PDE8B: variants seen among roughly 807,000 people sequenced by gnomAD.
PDE8B encodes high affinity cAMP-specific and IBMX-insensitive 3',5'-cyclic phosphodiesterase 8B.
In PDE8B, 26 loss-of-function variants were observed where a neutral mutation model predicts 101.3. The observed-to-expected ratio is 0.26, with a 90% confidence interval of 0.19 to 0.36. The LOEUF (loss-of-function observed/expected upper bound fraction) is 0.36. Ranked by LOEUF, PDE8B falls within the 10% of genes least tolerant of loss-of-function variation. The probability of loss-of-function intolerance (pLI) is 1.00; values close to 1 mark genes in which losing one functional copy is unlikely to be tolerated. For missense variants in PDE8B, 810 were observed against 1,163.1 expected (o/e 0.70, Z 4.42); for synonymous variants, 424 against 429.3 (o/e 0.99, Z 0.15).
intron 10 of PDE8B, among the ~76,000 whole-genome samples, chr5:77,388,707 A>G (rs550211867): frequency 1.1e-3 from 162 of 152,052 alleles, no homozygotes; most frequent in Middle Eastern, 3.4e-3. Context: ...TCCCAGGGAG[A>G]TGGGGGTTTT....
At chr5:77,195,934 G>A in the PDE8B span, among the ~76,000 whole-genome samples, 1 of 152,114 alleles carries the variant, frequency 6.6e-6, no homozygotes, top group Non-Finnish European at 1.5e-5. Context: ...CGTGTAAGTG[G>A]ACCCACAAAG....
At chr5:77,253,765 G>A (rs1758553499) in intron 1 of PDE8B, among the ~76,000 whole-genome samples, 1 of 152,088 alleles carries the variant, frequency 6.6e-6, no homozygotes, top group Admixed American at 6.5e-5. Context: ...TACAAAGAGG[G>A]CAACCTTAGG....
At chr5:77,283,187 T>C (rs1209062716) in intron 1 of PDE8B, among the ~76,000 whole-genome samples, 1 of 152,180 alleles carries the variant, frequency 6.6e-6, no homozygotes, top group Non-Finnish European at 1.5e-5. Context: ...CATTTTTAGA[T>C]TCACAGCAGA....
At chr5:77,409,776 GA>G (rs1232278445) in intron 14 of PDE8B, among the ~76,000 whole-genome samples, 1 of 152,196 alleles carries the variant, frequency 6.6e-6, no homozygotes, top group Non-Finnish European at 1.5e-5. Flanking sequence ...GAATTCTTTA[GA>G]AAAAAAGTCC....
intron 1 of PDE8B, among the ~76,000 whole-genome samples, chr5:77,254,532 A>C (rs1481850368): frequency 6.6e-6 from 1 of 152,116 alleles, no homozygotes. Flanking sequence ...GTAATGACGC[A>C]CTTAGTTTCC....
upstream of PDE8B, among the ~76,000 whole-genome samples, chr5:77,206,311 TAGTA>T (rs1561342837): frequency 1.3e-5 from 2 of 152,070 alleles, no homozygotes; most frequent in African/African-American, 2.4e-5. Flanking sequence ...ATAAACATAA[TAGTA>T]AGTGAGTTAA....
the PDE8B span, among the ~76,000 whole-genome samples, chr5:77,155,636 C>T: frequency 1.7e-3 from 265 of 152,198 alleles, 1 homozygote; most frequent in African/African-American, 5.9e-3. Flanking sequence ...ATGGAGTAAG[C>T]GTGTGTTGGC....
At chr5:77,136,071 C>T in the PDE8B span, among the ~76,000 whole-genome samples, 1 of 152,142 alleles carries the variant, frequency 6.6e-6, no homozygotes, top group Non-Finnish European at 1.5e-5. Context: ...CTTTATCATT[C>T]AACTTTTCTA....
chr5:77,215,876 A>G, intron 1 of PDE8B, among the ~76,000 whole-genome samples: 1 of 152,230 alleles, frequency 6.6e-6, no homozygotes, highest in East Asian at 1.9e-4. Context: ...CAGGCAGGCA[A>G]GGGAAATCTA....
At chr5:77,378,296 T>G (rs1263750133) in intron 10 of PDE8B, among the ~76,000 whole-genome samples, 1 of 151,662 alleles carries the variant, frequency 6.6e-6, no homozygotes, top group East Asian at 1.9e-4. Flanking sequence ...CTGTCTCTAC[T>G]AAAAATACAA....
chr5:77,350,532 C>T (rs1561566375), intron 8 of PDE8B, among the ~76,000 whole-genome samples: 1 of 152,006 alleles, frequency 6.6e-6, no homozygotes, highest in South Asian at 2.1e-4. Context: ...GCCTCTTTCA[C>T]GGAAGCTAAG....
Position 77,363,074 on chromosome 5 carries a change from A to G in PDE8B, c.1167+9668A>G, listed in dbSNP as rs1032951755. Among the ~76,000 whole-genome samples, 4 of 152,198 alleles carry G rather than the reference A, an allele frequency of 2.6e-5. No individual in the cohort carries two copies. In the East Asian group the frequency reaches 7.7e-4, roughly 29 times the overall value. On this transcript the variant is annotated intron_variant, in intron 10 of 21. Coordinates refer to ENST00000264917, the MANE Select transcript of PDE8B (RefSeq NM_003719.5). ...AGCCTATGTTTTAGTAATCCAAGTAAGATGTCTTTCGTGTTGACACTTTGT... is the reference window on the plus strand; with the variant it reads ...AGCCTATGTTTTAGTAATCCAAGTAGGATGTCTTTCGTGTTGACACTTTGT...
At chr5:77,311,125 G>C in intron 1 of PDE8B, among the ~76,000 whole-genome samples, 1 of 142,700 alleles carries the variant, frequency 7.0e-6, no homozygotes, top group East Asian at 2.3e-4. Flanking sequence ...GCTTCCAATA[G>C]TGACAAATGA....
chr5:77,352,971 T>A (rs1781440706), intron 9 of PDE8B, among the ~76,000 whole-genome samples: 1 of 152,228 alleles, frequency 6.6e-6, no homozygotes, highest in Admixed American at 6.5e-5. Context: ...GTGGTCATTG[T>A]CCAAATGAAT....
chr5:77,111,185 G>GTCACCTGACT, the PDE8B span, among the ~76,000 whole-genome samples: 1 of 152,336 alleles, frequency 6.6e-6, no homozygotes, highest in South Asian at 2.1e-4. Context: ...TTCAGGTGAA[G>GTCACCTGACT]ATGACAGCTT....
intron 1 of PDE8B, among the ~76,000 whole-genome samples, chr5:77,267,641 C>T (rs1011790596): frequency 6.6e-6 from 1 of 152,148 alleles, no homozygotes; most frequent in Non-Finnish European, 1.5e-5. Flanking sequence ...AAGCTGCTGC[C>T]CTCTGTCCCA....
chr5:77,121,131 A>G, the PDE8B span, among the ~76,000 whole-genome samples: 8 of 152,242 alleles, frequency 5.3e-5, no homozygotes, highest in Admixed American at 5.2e-4. Context: ...TGGGTCAGGA[A>G]TTCAGGAGTC....
At chr5:77,291,882 C>G in intron 1 of PDE8B, 1 of 1,304,704 alleles carries the variant, frequency 7.7e-7, no homozygotes, top group Non-Finnish European at 1.1e-6. Flanking sequence ...TTAAAGTTTT[C>G]CTTGAATAAA....
At chr5:77,342,505 T>C (rs1184499825) in intron 6 of PDE8B, among the ~76,000 whole-genome samples, 1 of 145,032 alleles carries the variant, frequency 6.9e-6, no homozygotes, top group East Asian at 1.9e-4. Context: ...AAAAATAACA[T>C]TTTTCAGAGT....
Sources: allele counts gnomAD v4.1 joint callset (sites outside exome capture counted in the v4.1 genomes callset), GRCh38; gene constraint gnomAD v4.1.1; transcripts MANE v1.5; gene names NCBI Gene and HGNC (gene_info 2026-07-23, HGNC 2026-07-21).